The following NOC4L variants were observed in gnomAD, a reference collection of about 807,000 sequenced individuals.
NOC4L encodes nucleolar complex associated 4 homolog.
NOC4L carries 40 observed loss-of-function variants against 62.8 expected under a neutral mutation model. The ratio of observed to expected loss-of-function variants is 0.64; its 90% CI spans 0.49 to 0.83. NOC4L has a LOEUF of 0.83. Among genes scored for constraint, NOC4L ranks in the 40% least tolerant of loss-of-function variants. The probability of loss-of-function intolerance (pLI) is 0.00; values close to 1 mark genes in which losing one functional copy is unlikely to be tolerated. For synonymous variants in NOC4L, 433 were observed against 299.8 expected (o/e 1.44, Z -4.59); for missense variants, 927 against 701.9 (o/e 1.32, Z -3.62).
rs770061313 is a variant in NOC4L at position 132,144,913 on chromosome 12, C to G, written c.177C>G (p.Ala59=). The G allele has an allele frequency of 6.2e-7, 1 of 1,601,474 alleles. No homozygotes were observed. Among genetic ancestry groups the G allele is most frequent in the African/African-American group, 1.3e-5 (1 of 74,884 alleles). Residue 59 remains alanine, a synonymous_variant, in exon 2 of 15, where the codon GCC becomes GCG. Transcript: ENST00000330579. Reference sequence around the variant, plus strand: ...GCACGTGCAGCCGTCTTTTCGGGGCCTTGCTGGAGCGGGGAGAGCTGTTTG... The same window carrying G: ...GCACGTGCAGCCGTCTTTTCGGGGCGTTGCTGGAGCGGGGAGAGCTGTTTG... The part of the protein sequence containing the change: ...AVRTCSRLFG[A]LLERGELFVG...
At chr12:132,147,098 C>G (rs968402477) in intron 3 of NOC4L, among the ~76,000 whole-genome samples, 183 bp from the exon 4 acceptor site, 1 of 152,222 alleles carries the variant, frequency 6.6e-6, no homozygotes, top group Non-Finnish European at 1.5e-5. Context: ...CTTGTCATCT[C>G]TACGTCATGG....
chr12:132,146,153 A>G (rs1386536871), intron 3 of NOC4L: 3 of 437,882 alleles, frequency 6.9e-6, no homozygotes, highest in African/African-American at 2.0e-5. Context: ...CATCGCTTCC[A>G]TATCCCGCCC....
rs777312017 is a variant in NOC4L, at chr12:132,151,758, G to C, written c.1255G>C (p.Asp419His). The part of the protein sequence containing the change: ...HGPELDADPY[D>H]PGEEDPAQSR... ...CCTAGAGTTGGACGCCGACCCCTAC[G>C]ACCCTGGAGAGGAGGACCCAGCCCA... The change falls in exon 13 of 15, where the codon GAC (aspartate) becomes CAC (histidine). Residue 419 changes from aspartate (D) to histidine (H), a missense_variant. Physicochemically the swap from Asp to His is moderately conservative, Grantham distance 81. Coordinates refer to ENST00000330579, the MANE Select transcript of NOC4L (RefSeq NM_024078.3). 4.3e-6 allele frequency: 7 copies of C among 1,612,344 alleles called. No individual in the cohort carries two copies. In the East Asian group the frequency reaches 1.6e-4, roughly 36 times the overall value.
Position 132,148,903 on chromosome 12 carries a change from CCGCCGCCTCGCT to C in NOC4L, c.901+10_901+21del, listed in dbSNP as rs1565960315. On this transcript the variant is annotated intron_variant, in intron 9 of 14. Coordinates refer to ENST00000330579, the MANE Select transcript of NOC4L (RefSeq NM_024078.3). ...CCCGCGCCTGCGACCTCGGTGAGTG[CCGCCGCCTCGCT>C]CACACCACACCCCTAATCCCCTCGG... 3.1e-6 allele frequency: 4 copies of C among 1,298,584 alleles called. No homozygotes were observed. In the South Asian group the frequency reaches 4.4e-5, roughly 14 times the overall value. The allele number at this position is 1,298,584 out of a possible 1,614,324, so 80.4% of individuals were successfully genotyped here.
intron 13 of NOC4L, 101 bp downstream of exon 13, chr12:132,151,921 G>C (rs1171501415): frequency 7.6e-7 from 1 of 1,319,462 alleles, no homozygotes; most frequent in East Asian, 2.5e-5. Context: ...CTCATGTTGC[G>C]TCCCCAGCTG....
At chr12:132,148,727 C>A in intron 8 of NOC4L, 57 bp from the exon 9 acceptor site, 1 of 1,387,884 alleles carries the variant, frequency 7.2e-7, no homozygotes, top group Non-Finnish European at 9.6e-7. Flanking sequence ...GGCCTCACCC[C>A]GACCCGCCGG....
chr12:132,146,397 C>G (rs1178949202), intron 3 of NOC4L: 2 of 450,494 alleles, frequency 4.4e-6, no homozygotes. Context: ...TCGTTTCCAC[C>G]TTTGGCTGTT....
At position 132,147,978 on chromosome 12, in the gene NOC4L, G is replaced by T. The variant is rs370940839; in HGVS notation, c.702G>T (p.Ala234=). ...PTVSSFYVKR[A]ELWDTWKVAH... is the part of the protein sequence containing the mutation. ...TCTCCAGCTTCTATGTGAAGCGGGC[G>T]GGTGAGTGTGCTGAGAGTCAGGGGC... The change falls in exon 6 of 15, where the codon GCG becomes GCT. Residue 234 remains alanine (A), a splice_region_variant and synonymous_variant. Coordinates refer to ENST00000330579, the MANE Select transcript of NOC4L (RefSeq NM_024078.3). The T allele has an allele frequency of 6.2e-7, 1 of 1,611,092 alleles. No individual in the cohort carries two copies. The highest frequency in any genetic ancestry group is 1.7e-5 in the Admixed American group (1 of 59,768).
At chr12:132,145,009 T>G in intron 2 of NOC4L, 35 bp downstream of exon 2, 1 of 1,560,224 alleles carries the variant, frequency 6.4e-7, no homozygotes, top group Non-Finnish European at 8.7e-7. Flanking sequence ...TGCTCTTCTC[T>G]TTCCGTGGGT....
At position 132,148,913 on chromosome 12, in the gene NOC4L, G is replaced by T. The variant is rs79736234; in HGVS notation, c.901+18G>T. ...CGACCTCGGTGAGTGCCGCCGCCTC[G>T]CTCACACCACACCCCTAATCCCCTC... On this transcript the variant is annotated intron_variant, in intron 9 of 14. Transcript: ENST00000330579. The T allele has an allele frequency of 6.8e-5, 26 of 381,672 alleles. No homozygotes were observed. The highest frequency in any genetic ancestry group is 9.6e-5 in the Non-Finnish European group (21 of 218,158). The allele number at this position is 381,672 out of a possible 1,614,324, so 23.6% of individuals were successfully genotyped here. A position where few individuals can be genotyped will look rare whatever the true frequency, so the allele number is the denominator to read the frequency against.
chr12:132,151,511 C>G lies in NOC4L; in HGVS notation c.1101C>G (p.Ala367=), dbSNP rs368443691. 5 of 1,605,660 alleles carry G rather than the reference C, an allele frequency of 3.1e-6. No homozygotes were observed. The highest frequency in any genetic ancestry group is 4.2e-6 in the Non-Finnish European group (5 of 1,179,232). The change falls in exon 12 of 15, where the codon GCC becomes GCG. Residue 367 remains alanine (A), a synonymous_variant. Coordinates refer to ENST00000330579, the MANE Select transcript of NOC4L (RefSeq NM_024078.3). ...ACCTCCCCGCCTACCTGGTGGCCGC[C>G]TTCGCCAAGCGGCTGGCCCGCCTGG... ...SSHLPAYLVA[A]FAKRLARLAL... is the part of the protein sequence containing the mutation.
chr12:132,151,161 C>G (rs992009342), intron 10 of NOC4L, 97 bp from the exon 11 acceptor site: 3 of 1,428,352 alleles, frequency 2.1e-6, no homozygotes, highest in African/African-American at 2.8e-5. Context: ...GTTGGAGTCC[C>G]TGGGCGGGAG....
At chr12:132,151,088 C>G in intron 10 of NOC4L, 47 bp downstream of exon 10, 4 of 1,549,410 alleles carry the variant, frequency 2.6e-6, no homozygotes, top group African/African-American at 1.4e-5. Context: ...CTGCCCAGCC[C>G]TGCTCCTCTG....
Position 132,147,795 on chromosome 12 carries a change from G to T in NOC4L, c.603+13G>T, listed in dbSNP as rs1225323905. ...CCAGCACCCCGAGGTGGGTGATGGG[G>T]TCCTGTCGCCAGCATCATGCTGTTG... On this transcript the variant is annotated intron_variant, in intron 5 of 14. Transcript: ENST00000330579. The T allele has an allele frequency of 1.2e-6, 2 of 1,611,898 alleles. No individual in the cohort carries two copies. The highest frequency in any genetic ancestry group is 1.7e-6 in the Non-Finnish European group (2 of 1,179,922).
At chr12:132,151,215 C>T (rs770314214) in intron 10 of NOC4L, 43 bp from the exon 11 acceptor site, 1 of 1,554,406 alleles carries the variant, frequency 6.4e-7, no homozygotes, top group East Asian at 2.2e-5. Flanking sequence ...GCCTCAGTTC[C>T]CGGGCCCTGC....
chr12:132,146,878 C>T (rs867794883), intron 3 of NOC4L, among the ~76,000 whole-genome samples: 2 of 152,114 alleles, frequency 1.3e-5, no homozygotes, highest in Admixed American at 6.5e-5. Context: ...TTTGCCACCC[C>T]GAGATGAGAG....
Position 132,147,353 on chromosome 12 carries a change from G to T in NOC4L, c.418G>T (p.Glu140Ter), listed in dbSNP as rs1223977141. 6.3e-7 allele frequency: 1 copy of T among 1,598,112 alleles called. No homozygotes were observed. The highest frequency in any genetic ancestry group is 8.5e-7 in the Non-Finnish European group (1 of 1,172,224). The change falls in exon 4 of 15, where the codon GAA (glutamate) becomes TAA (stop). Residue 140 changes from glutamate (E) to a stop codon, truncating the protein, a stop_gained. Coordinates refer to ENST00000330579, the MANE Select transcript of NOC4L (RefSeq NM_024078.3). LOFTEE classifies it high-confidence loss of function. Reference protein sequence around the residue: ...GAHPLEKSKWEGNYLFPRELF... With the variant: ...GAHPLEKSKW Reference sequence around the variant, plus strand: ...GCACCCCCTGGAGAAGTCCAAGTGGGAAGGCAACTACCTGTTCCCCCGAGA... The same window carrying T: ...GCACCCCCTGGAGAAGTCCAAGTGGTAAGGCAACTACCTGTTCCCCCGAGA...
At position 132,147,996 on chromosome 12, in the gene NOC4L, T is replaced by G; in HGVS notation, c.703+17T>G. 1 of 1,611,988 alleles carries G rather than the reference T, an allele frequency of 6.2e-7. No homozygotes were observed. The highest frequency in any genetic ancestry group is 8.5e-7 in the Non-Finnish European group (1 of 1,179,474). On this transcript the variant is annotated intron_variant, in intron 6 of 14. Transcript: ENST00000330579. Reference sequence around the variant, plus strand: ...AGCGGGCGGGTGAGTGTGCTGAGAGTCAGGGGCGGACAGGGCTGAGCCTTG... The same window carrying G: ...AGCGGGCGGGTGAGTGTGCTGAGAGGCAGGGGCGGACAGGGCTGAGCCTTG...
At chr12:132,148,433 G>A (rs1897808186) in intron 7 of NOC4L, among the ~76,000 whole-genome samples, 176 bp from the exon 8 acceptor site, 1 of 152,210 alleles carries the variant, frequency 6.6e-6, no homozygotes, top group Admixed American at 6.5e-5. Flanking sequence ...TGAGACTCCA[G>A]CCTCGAGGGC....
Sources: gnomAD v4.1 joint callset for allele counts (sites outside exome capture counted in the v4.1 genomes callset) on GRCh38, gnomAD v4.1.1 for gene constraint, MANE v1.5 for transcripts, NCBI Gene and HGNC (gene_info 2026-07-23, HGNC 2026-07-21) for gene names.